RNF220: variants seen among roughly 807,000 people sequenced by gnomAD.
RNF220 encodes the protein ring finger protein 220.
Under a neutral mutation model 67.1 loss-of-function variants are expected in RNF220, and 7 were observed. The ratio of observed to expected loss-of-function variants is 0.10; its 90% CI spans 0.06 to 0.20. The LOEUF is 0.20. Ranked by LOEUF, RNF220 falls within the 10% of genes least tolerant of loss-of-function variation. The probability of loss-of-function intolerance (pLI) is 1.00; values close to 1 mark genes in which losing one functional copy is unlikely to be tolerated. For missense variants in RNF220, 565 were observed against 740.3 expected, an observed-to-expected ratio of 0.76 and a Z score of 2.75; for synonymous variants, 270 against 283.2, an observed-to-expected ratio of 0.95 and a Z score of 0.47.
intron 2 of RNF220, among the ~76,000 whole-genome samples, chr1:44,528,519 C>T (rs1660576965): frequency 6.6e-6 from 1 of 151,210 alleles, no homozygotes; most frequent in Non-Finnish European, 1.5e-5. Context: ...CCAGGATGGT[C>T]TCAATCTCTT....
At chr1:44,599,988 T>C (rs1666804602) in intron 2 of RNF220, among the ~76,000 whole-genome samples, 2 of 152,210 alleles carry the variant, frequency 1.3e-5, no homozygotes, top group Admixed American at 1.3e-4. Flanking sequence ...AGGGACTGAA[T>C]ATGAAGATGC....
At position 44,632,404 on chromosome 1, in the gene RNF220, C is replaced by CCCA; in HGVS notation, c.949+19_949+20insCCA. 6.2e-7 allele frequency: 1 copy of CCCA among 1,601,366 alleles called. No individual in the cohort carries two copies. On this transcript the variant is annotated intron_variant, in intron 6 of 14. Coordinates refer to ENST00000361799, the MANE Select transcript of RNF220 (RefSeq NM_018150.4). ...CTGAATGGTGAGTCCTGCCCGGCCC[C>CCCA]TCCCTCCGCCCCACCCCCGGCCTCC...
chr1:44,433,869 G>A (rs1650670806), intron 2 of RNF220, among the ~76,000 whole-genome samples: 1 of 152,178 alleles, frequency 6.6e-6, no homozygotes, highest in African/African-American at 2.4e-5. Context: ...GGCTGAGGCA[G>A]AAGTATTGCT....
At chr1:44,434,108 T>C (rs1650698022) in intron 2 of RNF220, among the ~76,000 whole-genome samples, 1 of 152,182 alleles carries the variant, frequency 6.6e-6, no homozygotes, top group Non-Finnish European at 1.5e-5. Context: ...GTCAAATATG[T>C]TCCTTGGAAC....
intron 2 of RNF220, among the ~76,000 whole-genome samples, chr1:44,554,878 C>G (rs1038150247): frequency 6.6e-6 from 1 of 152,096 alleles, no homozygotes; most frequent in Non-Finnish European, 1.5e-5. Context: ...GTCTTTGTCC[C>G]TCCTCTTAGA....
chr1:44,564,062 A>G (rs940769556), intron 2 of RNF220, among the ~76,000 whole-genome samples: 3 of 152,174 alleles, frequency 2.0e-5, no homozygotes, highest in African/African-American at 7.2e-5. Context: ...AATCCTGTAG[A>G]GTTTTACCCA....
rs78770003 is a variant in RNF220 at position 44,645,622 on chromosome 1, G to A, written c.1445+134G>A. 0.27 allele frequency: 222,011 copies of A among 807,336 alleles called. 35,134 individuals are homozygous for A. Among genetic ancestry groups the A allele is most frequent in the Middle Eastern group, 0.34 (1,136 of 3,302 alleles). The allele number at this position is 807,336 out of a possible 1,614,324, so 50.0% of individuals were successfully genotyped here. A position where few individuals can be genotyped will look rare whatever the true frequency, so the allele number is the denominator to read the frequency against. ...CTCAGTGCTGCTGCCCTGGGCACAC[G>A]GCCGGCAGTGGAGCCCAGCTGGTGC... On this transcript the variant is annotated intron_variant, in intron 12 of 14. Transcript: ENST00000361799. The surrounding 1 kb of genome is among the most constrained non-coding windows in gnomAD (Gnocchi z 5.0).
intron 2 of RNF220, among the ~76,000 whole-genome samples, chr1:44,516,522 A>G (rs909861303): frequency 2.6e-5 from 4 of 152,200 alleles, no homozygotes; most frequent in African/African-American, 9.6e-5. Context: ...TAATATGTTT[A>G]GCAGCTTCTA....
chr1:44,620,213 C>T (rs1312482869), intron 3 of RNF220, among the ~76,000 whole-genome samples: 5 of 152,242 alleles, frequency 3.3e-5, no homozygotes, highest in Non-Finnish European at 5.9e-5. Flanking sequence ...AAACCCTCCA[C>T]GGACTGTGTG....
At chr1:44,519,659 T>C (rs1169827915) in intron 2 of RNF220, among the ~76,000 whole-genome samples, 1 of 152,082 alleles carries the variant, frequency 6.6e-6, no homozygotes, top group Non-Finnish European at 1.5e-5. Context: ...CCACGGACAG[T>C]AGTAAGCGGC....
At chr1:44,644,883 C>A in intron 9 of RNF220, 89 bp downstream of exon 9, 1 of 1,519,810 alleles carries the variant, frequency 6.6e-7, no homozygotes, top group Non-Finnish European at 9.1e-7. Context: ...TCACCTGCAC[C>A]ACCCCCCGGG....
At chr1:44,530,381 A>G (rs1660739977) in intron 2 of RNF220, among the ~76,000 whole-genome samples, 1 of 152,204 alleles carries the variant, frequency 6.6e-6, no homozygotes, top group Admixed American at 6.5e-5. Context: ...AAGAGCAGAG[A>G]TCTCAAGAAA....
intron 2 of RNF220, among the ~76,000 whole-genome samples, chr1:44,547,648 T>A (rs933965167): frequency 1.3e-5 from 2 of 152,130 alleles, no homozygotes; most frequent in African/African-American, 4.8e-5. Context: ...CTGCAGCTAT[T>A]ATCTTTATTT....
intron 2 of RNF220, among the ~76,000 whole-genome samples, chr1:44,559,482 G>T (rs1663386068): frequency 6.6e-6 from 1 of 152,268 alleles, no homozygotes; most frequent in South Asian, 2.1e-4. Context: ...TCGGCTTATT[G>T]AAATGTTCAT....
intron 6 of RNF220, 47 bp downstream of exon 6, chr1:44,632,432 C>A (rs1444640859): frequency 1.3e-6 from 2 of 1,521,986 alleles, no homozygotes; most frequent in Non-Finnish European, 1.8e-6. Flanking sequence ...CGGCCTCCTC[C>A]CTCCCTCCCT....
chr1:44,461,924 G>GTTTTTTTTTTTTTTTTTTT (rs201661366), intron 2 of RNF220, among the ~76,000 whole-genome samples: 1 of 123,562 alleles, frequency 8.1e-6, no homozygotes, highest in Non-Finnish European at 1.7e-5. Context: ...TTTTTTCTTT[G>GTTTTTTTTTTTTTTTTTTT]TTTTTTTTTT....
chr1:44,567,829 G>A (rs951385074), intron 2 of RNF220, among the ~76,000 whole-genome samples: 9 of 152,044 alleles, frequency 5.9e-5, no homozygotes, highest in Non-Finnish European at 8.8e-5. Flanking sequence ...TGTACCAGGC[G>A]CCATGTGAAC....
chr1:44,503,269 G>T (rs1430853442), intron 2 of RNF220, among the ~76,000 whole-genome samples: 1 of 145,892 alleles, frequency 6.9e-6, no homozygotes, highest in East Asian at 2.0e-4. Flanking sequence ...GGAAGGCAGA[G>T]GTTGCAGTGA....
At chr1:44,564,520 A>G (rs1447904131) in intron 2 of RNF220, among the ~76,000 whole-genome samples, 3 of 152,108 alleles carry the variant, frequency 2.0e-5, no homozygotes, top group African/African-American at 4.8e-5. Context: ...TGGGAAGCCA[A>G]GGTGGGTGGA....
Sources: gnomAD v4.1 joint callset for allele counts (sites outside exome capture counted in the v4.1 genomes callset) on GRCh38, gnomAD v4.1.1 for gene constraint, Gnocchi (gnomAD v3.1) non-coding constraint, MANE v1.5 for transcripts, NCBI Gene and HGNC (gene_info 2026-07-23, HGNC 2026-07-21) for gene names.